The following DENND2A variants were observed in gnomAD, a reference collection of about 807,000 sequenced individuals.
The protein encoded by DENND2A is DENN domain-containing protein 2A.
DENND2A carries 53 observed loss-of-function variants against 105.3 expected under a neutral mutation model. The observed-to-expected ratio is 0.50, with a 90% CI of 0.40 to 0.63. The LOEUF (loss-of-function observed/expected upper bound fraction) is 0.63, where lower values mean the gene tolerates loss of function less well. Ranked by LOEUF, DENND2A falls within the 30% of genes least tolerant of loss-of-function variation. The pLI is 0.00. For missense variants in DENND2A, 1,138 were observed against 1,279.6 expected, an observed-to-expected ratio of 0.89 and a Z score of 1.69; for synonymous variants, 522 against 508.4, an observed-to-expected ratio of 1.03 and a Z score of -0.36.
chr7:140,581,969 G>GT (rs373264245), intron 5 of DENND2A, among the ~76,000 whole-genome samples: 65,667 of 146,396 alleles, frequency 0.45, 14,886 homozygotes, highest in African/African-American at 0.54. Context: ...TTGGGCAGAT[G>GT]TTTTTTTTTT....
intron 5 of DENND2A, among the ~76,000 whole-genome samples, chr7:140,575,419 G>A (rs1201109967): frequency 1.3e-5 from 2 of 152,170 alleles, no homozygotes; most frequent in Admixed American, 6.5e-5. Flanking sequence ...AGTCTAGTGT[G>A]AGCTAACAAA....
intron 3 of DENND2A, among the ~76,000 whole-genome samples, chr7:140,591,967 CCCCCTCCCCTCTCCCTCCTCT>C (rs1799065282): frequency 2.4e-5 from 1 of 41,986 alleles, no homozygotes; most frequent in African/African-American, 1.1e-4. Flanking sequence ...CCCCTCCCCT[CCCCCTCCCCTCTCCCTCCTCT>C]CCCCTCCCCT....
At chr7:140,574,129 G>T in intron 5 of DENND2A, 121 bp from the exon 6 acceptor site, 2 of 1,110,690 alleles carry the variant, frequency 1.8e-6, no homozygotes, top group African/African-American at 1.5e-5. Flanking sequence ...ATGTTCCCAG[G>T]TTAGGTGGAG....
chr7:140,607,060 T>C (rs1799714610), intron 1 of DENND2A, among the ~76,000 whole-genome samples: 1 of 152,186 alleles, frequency 6.6e-6, no homozygotes, highest in South Asian at 2.1e-4. Context: ...AGGAGCCACC[T>C]CCTTGACTAG....
At position 140,573,640 on chromosome 7, in the gene DENND2A, GA is replaced by G. The variant is rs201827526; in HGVS notation, c.1446+167del. ...ACAGGACCACAAAAATGATCAGGAC[GA>G]AGGTCCGGATATTCCAGCCTGCTGG... On this transcript the variant is annotated intron_variant, in intron 6 of 19. Transcript: ENST00000496613. 5.8e-3 allele frequency among the ~76,000 whole-genome samples: 878 copies of G among 152,284 alleles called. 10 individuals are homozygous for G. Among genetic ancestry groups the G allele is most frequent in the African/African-American group, 0.018 (764 of 41,570 alleles).
At chr7:140,558,302 C>T (rs1462001313) in intron 10 of DENND2A, 90 bp from the exon 11 acceptor site, 2 of 997,368 alleles carry the variant, frequency 2.0e-6, no homozygotes, top group Non-Finnish European at 3.1e-6. Context: ...AGTGAGCAGC[C>T]ATGGGACACA....
intron 11 of DENND2A, among the ~76,000 whole-genome samples, chr7:140,556,041 T>A (rs1447060865): frequency 6.6e-6 from 1 of 152,092 alleles, no homozygotes; most frequent in Non-Finnish European, 1.5e-5. Context: ...TGTTTTGAGA[T>A]GGAGTCTCAC....
chr7:140,632,465 T>C (rs1216325903), intron 1 of DENND2A, among the ~76,000 whole-genome samples: 1 of 152,220 alleles, frequency 6.6e-6, no homozygotes, highest in Non-Finnish European at 1.5e-5. Flanking sequence ...TGAATGAGCA[T>C]ATCCAACTCT....
chr7:140,595,762 T>C (rs1477709659), intron 3 of DENND2A, among the ~76,000 whole-genome samples: 1 of 151,138 alleles, frequency 6.6e-6, no homozygotes, highest in Non-Finnish European at 1.5e-5. Flanking sequence ...AGCAAGACCC[T>C]GTTTAAAAAA....
intron 3 of DENND2A, among the ~76,000 whole-genome samples, chr7:140,600,392 T>A (rs1176985438): frequency 1.4e-5 from 2 of 147,816 alleles, no homozygotes; most frequent in East Asian, 4.1e-4. Flanking sequence ...GTCTCAGGTC[T>A]GGCCCTGGGT....
chr7:140,521,925 C>A lies in DENND2A; in HGVS notation c.2841G>T (p.Glu947Asp), dbSNP rs781007205. The A allele has an allele frequency of 1.2e-6, 2 of 1,614,070 alleles. No homozygotes were observed. Among genetic ancestry groups the A allele is most frequent in the East Asian group, 4.5e-5 (2 of 44,894 alleles). The change falls in exon 18 of 20, where the codon GAG becomes GAT. Residue 947 changes from glutamate to aspartate, a missense_variant. This residue lies in a region of DENND2A where 627 missense variants were observed against 779.8 expected (regional missense o/e 0.80). Transcript: ENST00000496613. ...GAAACATCTGAGTCTCCATGAAGAC[C>A]TCCAGGAAGTGGCGGAGGCTCTTGG... ...VSSKSLRHFL[E>D]VFMETQMFRG...
rs550842060 is a variant in DENND2A at position 140,543,040 on chromosome 7, C to T, written c.2327+1578G>A. ...TCCAGAACTCACTGCCTCTACCTGCCTCTAATGTGGTCCTGGAGAGTCGGC... is the reference window on the plus strand; with the variant it reads ...TCCAGAACTCACTGCCTCTACCTGCTTCTAATGTGGTCCTGGAGAGTCGGC... On this transcript the variant is annotated intron_variant, in intron 14 of 19. Coordinates refer to ENST00000496613, the MANE Select transcript of DENND2A (RefSeq NM_015689.5). 7.9e-5 allele frequency among the ~76,000 whole-genome samples: 12 copies of T among 152,190 alleles called. No individual in the cohort carries two copies. The South Asian group carries it at 2.3e-3, about 29-fold the overall frequency.
intron 9 of DENND2A, among the ~76,000 whole-genome samples, chr7:140,564,125 A>G (rs1797739714): frequency 6.6e-6 from 1 of 152,164 alleles, no homozygotes; most frequent in Admixed American, 6.6e-5. Context: ...TCTACTAAAA[A>G]TACAAAAATT....
At chr7:140,555,381 C>A (rs564967383) in intron 12 of DENND2A, among the ~76,000 whole-genome samples, 10 of 151,860 alleles carry the variant, frequency 6.6e-5, no homozygotes, top group Non-Finnish European at 1.3e-4. Context: ...TCAAGTGATC[C>A]GCCCGCCTCA....
At chr7:140,568,704 C>T (rs938629601) in intron 8 of DENND2A, 59 bp downstream of exon 8, 7 of 1,577,862 alleles carry the variant, frequency 4.4e-6, no homozygotes, top group African/African-American at 2.7e-5. Flanking sequence ...GGAGGAGGGG[C>T]CACCTTTGCA....
rs1563112044 is a variant in DENND2A, at chr7:140,518,721, G to A, written c.3016C>T (p.Leu1006Phe). 1.2e-6 allele frequency: 2 copies of A among 1,613,710 alleles called. No individual in the cohort carries two copies. The highest frequency in any genetic ancestry group is 1.7e-6 in the Non-Finnish European group (2 of 1,179,622). The change falls in exon 20 of 20, where the codon CTC becomes TTC. Residue 1006 changes from leucine to phenylalanine, a missense_variant. Physicochemically the swap from Leu to Phe is conservative, Grantham distance 22. Coordinates refer to ENST00000496613, the MANE Select transcript of DENND2A (RefSeq NM_015689.5). The stretch of plus-strand genomic sequence containing the variant: ...GAGGCTGAGAGTTATTTCTTGTGGA[G>A]AAATTTCATTTTATTGCCTAAAAAA... ...LKGLGNKMKF[L>F]HKK
intron 14 of DENND2A, among the ~76,000 whole-genome samples, chr7:140,535,339 G>A (rs1026668005): frequency 6.6e-6 from 1 of 152,148 alleles, no homozygotes; most frequent in Non-Finnish European, 1.5e-5. Context: ...TAGGAGGTGG[G>A]AGTCACCATG....
chr7:140,603,953 T>C (rs571514609), intron 2 of DENND2A, among the ~76,000 whole-genome samples: 1 of 152,358 alleles, frequency 6.6e-6, no homozygotes, highest in South Asian at 2.1e-4. Flanking sequence ...GATTAGATAA[T>C]GCCATGAAGA....
intron 3 of DENND2A, 135 bp from the exon 4 acceptor site, chr7:140,587,915 T>A (rs934744056): frequency 4.6e-6 from 5 of 1,085,322 alleles, no homozygotes; most frequent in Admixed American, 3.4e-5. Context: ...AACTTTTATT[T>A]TATTTCATTT....
Sources: allele counts gnomAD v4.1 joint callset (sites outside exome capture counted in the v4.1 genomes callset), GRCh38; gene constraint gnomAD v4.1.1; regional missense constraint gnomAD v4.1.1; transcripts MANE v1.5; gene names NCBI Gene and HGNC (gene_info 2026-07-23, HGNC 2026-07-21).